VWF: variants seen among roughly 807,000 people sequenced by gnomAD.
The protein encoded by VWF is von Willebrand factor, also known as Factor VIII related antigen.
Under a neutral mutation model 308.6 loss-of-function variants are expected in VWF, and 176 were observed. That is an observed-to-expected ratio of 0.57 (90% CI 0.50 to 0.65). VWF has a LOEUF of 0.65. Among genes scored for constraint, VWF ranks in the 30% least tolerant of loss-of-function variants. The pLI is 0.00. For synonymous variants in VWF, 1,385 were observed against 1,443.4 expected, an observed-to-expected ratio of 0.96 and a Z score of 0.92; for missense variants, 3,146 against 3,648.2, an observed-to-expected ratio of 0.86 and a Z score of 3.55.
intron 6 of VWF, among the ~76,000 whole-genome samples, chr12:6,078,743 G>C (rs374168097): frequency 1.3e-5 from 2 of 152,122 alleles, no homozygotes; most frequent in East Asian, 3.9e-4. Context: ...CCAGCCAAGG[G>C]AAAGAAGAGA....
At chr12:6,072,632 A>G (rs1267001212) in intron 8 of VWF, among the ~76,000 whole-genome samples, 190 bp from the exon 9 acceptor site, 2 of 152,220 alleles carry the variant, frequency 1.3e-5, no homozygotes, top group East Asian at 3.8e-4. Flanking sequence ...CTACAGATGA[A>G]GACATGAGCA....
chr12:5,981,191 G>A (rs1270069269), intron 42 of VWF, among the ~76,000 whole-genome samples: 1 of 152,140 alleles, frequency 6.6e-6, no homozygotes, highest in Non-Finnish European at 1.5e-5. Context: ...ATGGATGGGT[G>A]GATAGATGGA....
chr12:6,023,793 A>C lies in VWF; in HGVS notation c.3223-6T>G. ...AGATATGGCTCGGGGTCCACCTGCA[A>C]AGGCAGCCTCAGGTGGCCCAGGCCT... On this transcript the variant is annotated splice_polypyrimidine_tract_variant and splice_region_variant and intron_variant, in intron 24 of 51. Transcript: ENST00000261405. 2 of 1,611,464 alleles carry C rather than the reference A, an allele frequency of 1.2e-6. No individual in the cohort carries two copies. Among genetic ancestry groups the C allele is most frequent in the Non-Finnish European group, 1.7e-6 (2 of 1,179,470 alleles).
At chr12:5,996,288 C>A in intron 34 of VWF, 66 bp from the exon 35 acceptor site, 1 of 1,487,662 alleles carries the variant, frequency 6.7e-7, no homozygotes, top group Non-Finnish European at 9.2e-7. Flanking sequence ...TACATGCAGA[C>A]AGGCAGGTGT....
intron 42 of VWF, among the ~76,000 whole-genome samples, chr12:5,976,779 C>T (rs1379006659): frequency 6.6e-6 from 1 of 152,060 alleles, no homozygotes; most frequent in African/African-American, 2.4e-5. Context: ...GTTTGAGAGA[C>T]AAGGGATCCT....
intron 6 of VWF, among the ~76,000 whole-genome samples, chr12:6,092,614 T>TGAGTGACA (rs71064187): frequency 1.2e-5 from 1 of 86,056 alleles, no homozygotes; most frequent in Non-Finnish European, 2.2e-5. Context: ...AGTGAGTGAG[T>TGAGTGACA]GAGAGTGTGT....
chr12:6,113,265 G>A (rs961439907), intron 3 of VWF, among the ~76,000 whole-genome samples: 1 of 149,116 alleles, frequency 6.7e-6, no homozygotes, highest in Admixed American at 6.7e-5. Flanking sequence ...CAAAGAAAAA[G>A]AAACAACTGG....
intron 35 of VWF, 53 bp from the exon 36 acceptor site, chr12:5,994,660 G>A (rs1253200608): frequency 1.1e-5 from 17 of 1,574,204 alleles, no homozygotes; most frequent in Non-Finnish European, 1.5e-5. Context: ...GGAATCCTAG[G>A]TTTTTAGGGA....
Position 5,991,915 on chromosome 12 carries a change from G to A in VWF, c.6702C>T (p.Gly2234=). The change falls in exon 38 of 52, where the codon GGC becomes GGT. Residue 2234 remains glycine (G), a synonymous_variant. Transcript: ENST00000261405. ...TGACTTTATCTGGAGGGCAGAAACAGCCTTCGGAGGGATGGTCCCCACAGG... is the reference window on the plus strand; with the variant it reads ...TGACTTTATCTGGAGGGCAGAAACAACCTTCGGAGGGATGGTCCCCACAGG... The part of the protein sequence containing the change: ...VSSCGDHPSE[G]CFCPPDKVML... The A allele has an allele frequency of 6.2e-7, 1 of 1,614,226 alleles. No individual in the cohort carries two copies. The highest frequency in any genetic ancestry group is 8.5e-7 in the Non-Finnish European group (1 of 1,180,040).
intron 47 of VWF, among the ~76,000 whole-genome samples, chr12:5,966,293 A>G (rs76490943): frequency 1.5e-5 from 2 of 129,130 alleles, no homozygotes; most frequent in Middle Eastern, 4.1e-3. Flanking sequence ...ACACACACGC[A>G]CACACACACG....
rs369709691 is a variant in VWF at position 6,097,369 on chromosome 12, G to A, written c.533-1785C>T. Among the ~76,000 whole-genome samples, 10 of 152,212 alleles carry A rather than the reference G, an allele frequency of 6.6e-5. No individual in the cohort carries two copies. The East Asian group carries it at 9.6e-4, about 15-fold the overall frequency. ...GGAGAATTGCTTGAACCTGGAAGGC[G>A]AAGACTACAGTGAGCCGAGAATGCA... On this transcript the variant is annotated intron_variant, in intron 5 of 51. Coordinates refer to ENST00000261405, the MANE Select transcript of VWF (RefSeq NM_000552.5).
chr12:6,112,329 C>T lies in VWF; in HGVS notation c.221-1361G>A, dbSNP rs577060497. On this transcript the variant is annotated intron_variant, in intron 3 of 51. Coordinates refer to ENST00000261405, the MANE Select transcript of VWF (RefSeq NM_000552.5). ...AGCGTGACCAAAGCTTAGCAAACCT[C>T]ACCTAGTTTCTAAGAACTGCTACTC... is the stretch of plus-strand genomic sequence containing the variant. Among the ~76,000 whole-genome samples, 183 of 152,282 alleles carry T rather than the reference C, an allele frequency of 1.2e-3. 1 individual carries two copies. The highest frequency in any genetic ancestry group is 4.3e-3 in the African/African-American group (180 of 41,552).
chr12:6,099,103 T>C (rs576773658), intron 5 of VWF, among the ~76,000 whole-genome samples: 5 of 151,972 alleles, frequency 3.3e-5, no homozygotes, highest in Admixed American at 2.0e-4. Context: ...GTGGATCACT[T>C]GAGGTCAAGA....
chr12:6,120,934 G>A (rs1280249937), intron 3 of VWF, among the ~76,000 whole-genome samples: 6 of 152,298 alleles, frequency 3.9e-5, no homozygotes, highest in South Asian at 2.1e-4. Context: ...CCAGAGCAAC[G>A]GACACAGTGG....
chr12:5,980,941 C>A (rs1489721716), intron 42 of VWF, among the ~76,000 whole-genome samples: 2 of 152,252 alleles, frequency 1.3e-5, no homozygotes, highest in Admixed American at 6.5e-5. Flanking sequence ...TCAATTAAAT[C>A]TTTAATGATA....
At chr12:6,055,417 C>T (rs892535941) in intron 15 of VWF, among the ~76,000 whole-genome samples, 2 of 152,126 alleles carry the variant, frequency 1.3e-5, no homozygotes, top group African/African-American at 4.8e-5. Flanking sequence ...GGTTCAAGGT[C>T]CCATAACTGG....
chr12:6,113,968 A>G (rs1217712955), intron 3 of VWF, among the ~76,000 whole-genome samples: 1 of 152,216 alleles, frequency 6.6e-6, no homozygotes, highest in African/African-American at 2.4e-5. Context: ...AAATGAGCCC[A>G]CGAGGTCTGG....
At chr12:5,966,681 G>T (rs1718250790) in intron 47 of VWF, among the ~76,000 whole-genome samples, 1 of 151,892 alleles carries the variant, frequency 6.6e-6, no homozygotes, top group South Asian at 2.1e-4. Flanking sequence ...CGAGCTGAGG[G>T]AGACAAGCAC....
At chr12:6,088,354 A>G (rs898975864) in intron 6 of VWF, among the ~76,000 whole-genome samples, 3 of 151,970 alleles carry the variant, frequency 2.0e-5, no homozygotes, top group Non-Finnish European at 2.9e-5. Context: ...TGACAGGCGC[A>G]TGTAGTCCCA....
Sources: allele counts gnomAD v4.1 joint callset (sites outside exome capture counted in the v4.1 genomes callset), GRCh38; gene constraint gnomAD v4.1.1; transcripts MANE v1.5; gene names NCBI Gene and HGNC (gene_info 2026-07-23, HGNC 2026-07-21).